HYCC2: variants seen among roughly 807,000 people sequenced by gnomAD.
HYCC2 encodes the protein hyccin 2.
chr2:200,991,718 G>A, the HYCC2 span, among the ~76,000 whole-genome samples: 1 of 151,764 alleles, frequency 6.6e-6, no homozygotes, highest in Non-Finnish European at 1.5e-5. Context: ...CTGGGTGGCA[G>A]AGAGAGACTT....
chr2:201,070,913 A>G, the HYCC2 span, among the ~76,000 whole-genome samples: 1 of 152,114 alleles, frequency 6.6e-6, no homozygotes, highest in East Asian at 1.9e-4. Flanking sequence ...TTCATCGCAA[A>G]CTAGTATCTG....
the HYCC2 span, among the ~76,000 whole-genome samples, chr2:200,990,016 T>TA: frequency 6.6e-6 from 1 of 152,176 alleles, no homozygotes; most frequent in East Asian, 1.9e-4. Context: ...TGTCTAGATC[T>TA]AAAAAATAGT....
chr2:201,054,127 C>T, the HYCC2 span, among the ~76,000 whole-genome samples: 2 of 152,166 alleles, frequency 1.3e-5, no homozygotes, highest in Admixed American at 6.5e-5. Flanking sequence ...CAGTGCTATA[C>T]GCATGCTCAG....
chr2:201,066,023 T>A, the HYCC2 span, among the ~76,000 whole-genome samples: 1 of 152,152 alleles, frequency 6.6e-6, no homozygotes, highest in Non-Finnish European at 1.5e-5. Flanking sequence ...TACTGTAAAA[T>A]ACTGCAAATT....
chr2:201,002,306 A>T, the HYCC2 span, among the ~76,000 whole-genome samples: 1 of 151,266 alleles, frequency 6.6e-6, no homozygotes, highest in Admixed American at 6.6e-5. Context: ...AGGACAAAGG[A>T]CATGAATATG....
chr2:201,029,690 A>G, the HYCC2 span, among the ~76,000 whole-genome samples: 1 of 152,182 alleles, frequency 6.6e-6, no homozygotes. Context: ...CAGAAAGCCA[A>G]ACACCACATG....
the HYCC2 span, chr2:200,992,407 T>G: frequency 7.6e-6 from 10 of 1,314,426 alleles, no homozygotes; most frequent in East Asian, 2.1e-4. Flanking sequence ...TGAGCAAATA[T>G]CTAATCTTCA....
chr2:200,986,582 A>G, the HYCC2 span, among the ~76,000 whole-genome samples: 6 of 152,092 alleles, frequency 3.9e-5, no homozygotes, highest in African/African-American at 1.2e-4. Context: ...TTCGGGGGGG[A>G]AGGGTATTAA....
At chr2:200,998,053 A>G in the HYCC2 span, among the ~76,000 whole-genome samples, 1 of 152,134 alleles carries the variant, frequency 6.6e-6, no homozygotes, top group African/African-American at 2.4e-5. Flanking sequence ...CAATCAATCA[A>G]TCAATCATGC....
the HYCC2 span, among the ~76,000 whole-genome samples, chr2:201,046,539 C>G: frequency 1.3e-5 from 2 of 152,112 alleles, no homozygotes; most frequent in African/African-American, 4.8e-5. Flanking sequence ...GAAAGACTCT[C>G]TTTTTGTACC....
At chr2:201,021,300 G>A in the HYCC2 span, 1 of 153,652 alleles carries the variant, frequency 6.5e-6, no homozygotes, top group Non-Finnish European at 1.5e-5. Context: ...GGAGACAGGA[G>A]AGAAATTCAG....
chr2:200,988,308 A>C, the HYCC2 span: 1 of 1,613,734 alleles, frequency 6.2e-7, no homozygotes, highest in Non-Finnish European at 8.5e-7. Context: ...TTGTAATTGC[A>C]GTCCGAGAAA....
chr2:201,001,844 G>A, the HYCC2 span, among the ~76,000 whole-genome samples: 2 of 151,714 alleles, frequency 1.3e-5, no homozygotes, highest in African/African-American at 4.8e-5. Context: ...GCTAATTTTT[G>A]TATTTTTAGT....
the HYCC2 span, among the ~76,000 whole-genome samples, chr2:201,052,654 C>T: frequency 2.6e-5 from 4 of 152,150 alleles, no homozygotes; most frequent in Non-Finnish European, 1.5e-5. Flanking sequence ...ACACAGTTTT[C>T]ATTACACTGG....
chr2:200,995,034 T>C, the HYCC2 span, among the ~76,000 whole-genome samples: 1 of 151,458 alleles, frequency 6.6e-6, no homozygotes, highest in Non-Finnish European at 1.5e-5. Flanking sequence ...AGAAAAAAAT[T>C]CTATTGAAGG....
the HYCC2 span, among the ~76,000 whole-genome samples, chr2:201,070,514 T>G: frequency 6.6e-6 from 1 of 151,972 alleles, no homozygotes; most frequent in Non-Finnish European, 1.5e-5. Context: ...TAGTCGGGCG[T>G]GGTGGCGCAT....
chr2:200,985,337 A>T, the HYCC2 span, among the ~76,000 whole-genome samples: 2 of 152,016 alleles, frequency 1.3e-5, no homozygotes, highest in Non-Finnish European at 2.9e-5. Flanking sequence ...GACTTTACTT[A>T]CACATTTGGC....
At chr2:201,037,998 C>CA in the HYCC2 span, among the ~76,000 whole-genome samples, 1 of 152,090 alleles carries the variant, frequency 6.6e-6, no homozygotes, top group African/African-American at 2.4e-5. Context: ...TCCCATCTGA[C>CA]AAAGGGCTAA....
At chr2:201,030,304 AT>A in the HYCC2 span, among the ~76,000 whole-genome samples, 1 of 152,144 alleles carries the variant, frequency 6.6e-6, no homozygotes, top group East Asian at 1.9e-4. Flanking sequence ...ATATCTATCT[AT>A]AAATACAGTT....
Sources: gnomAD v4.1 joint callset for allele counts (sites outside exome capture counted in the v4.1 genomes callset) on GRCh38, gnomAD v4.1.1 for gene constraint, MANE v1.5 for transcripts, NCBI Gene and HGNC (gene_info 2026-07-23, HGNC 2026-07-21) for gene names.